FAAH: variants seen among roughly 807,000 people sequenced by gnomAD.
FAAH encodes the protein fatty-acid amide hydrolase 1.
FAAH carries 63 observed loss-of-function variants against 69.7 expected under a neutral mutation model. The ratio of observed to expected loss-of-function variants is 0.90; its 90% CI spans 0.74 to 1.12. The LOEUF (loss-of-function observed/expected upper bound fraction) is 1.12, where lower values mean the gene tolerates loss of function less well. Among genes scored for constraint, FAAH ranks in the 50% most tolerant of loss-of-function variants. The pLI, the probability that FAAH is intolerant of heterozygous loss-of-function variation, is 0.00. For synonymous variants in FAAH, 305 were observed against 324.2 expected (o/e 0.94, Z 0.64); for missense variants, 680 against 755.0 (o/e 0.90, Z 1.16).
intron 12 of FAAH, 65 bp from the exon 13 acceptor site, chr1:46,412,078 G>T: frequency 1.4e-6 from 2 of 1,393,690 alleles, no homozygotes; most frequent in South Asian, 2.5e-5. Flanking sequence ...CACAGTCCCT[G>T]AGTTAAAGAG....
Position 46,410,977 on chromosome 1 carries a change from C to T in FAAH, c.1316+123C>T. The T allele has an allele frequency of 8.3e-7, 1 of 1,203,856 alleles. No homozygotes were observed. Among genetic ancestry groups the T allele is most frequent in the Non-Finnish European group, 1.2e-6 (1 of 817,614 alleles). 74.6% of individuals were successfully genotyped at this position (1,203,856 alleles called of 1,614,324 possible). A position where few individuals can be genotyped will look rare whatever the true frequency, so the allele number is the denominator to read the frequency against. The stretch of plus-strand genomic sequence containing the variant: ...CCTCTGAGGCTGGAAGTGGCCCAGG[C>T]AGGGGGGCAACCTTTGTGGCCTTCA... On this transcript the variant is annotated intron_variant, in intron 11 of 14. Transcript: ENST00000243167. The surrounding 1 kb of genome is among the most constrained non-coding windows in gnomAD (Gnocchi z 4.9).
At chr1:46,402,064 G>A (rs201477656) in intron 1 of FAAH, 27 bp from the exon 2 acceptor site, 25 of 1,569,140 alleles carry the variant, frequency 1.6e-5, no homozygotes, top group Non-Finnish European at 2.1e-5. Context: ...GGCGAGTAGG[G>A]GACTGATCCG....
chr1:46,404,788 G>C lies in FAAH; in HGVS notation c.310-226G>C, dbSNP rs1186689817. ...AGTGTCCCGGTTGTGCCCTGGTCCT[G>C]GTTGAAGGCCAGAGACAGCCAGGAT... On this transcript the variant is annotated intron_variant, in intron 2 of 14. Coordinates refer to ENST00000243167, the MANE Select transcript of FAAH (RefSeq NM_001441.3). The surrounding 1 kb of genome is among the most constrained non-coding windows in gnomAD (Gnocchi z 4.5). Among the ~76,000 whole-genome samples, 5 of 152,212 alleles carry C rather than the reference G, an allele frequency of 3.3e-5. No individual in the cohort carries two copies. The highest frequency in any genetic ancestry group is 7.3e-5 in the Non-Finnish European group (5 of 68,032).
intron 2 of FAAH, among the ~76,000 whole-genome samples, chr1:46,403,255 C>T (rs529404878): frequency 7.2e-5 from 11 of 152,216 alleles, no homozygotes; most frequent in Admixed American, 6.5e-4. Flanking sequence ...CTCAGCCTCC[C>T]GAGTAGCTGG....
In FAAH at chr1:46,394,538, C is replaced by T; in HGVS notation, c.190C>T (p.Leu64Phe). The T allele has an allele frequency of 7.4e-7, 1 of 1,358,008 alleles. No individual in the cohort carries two copies. The highest frequency in any genetic ancestry group is 1.8e-5 in the South Asian group (1 of 54,900). 84.1% of individuals were successfully genotyped at this position (1,358,008 alleles called of 1,614,324 possible). A position where few individuals can be genotyped will look rare whatever the true frequency, so the allele number is the denominator to read the frequency against. The change falls in exon 1 of 15, where the codon CTC becomes TTC. Residue 64 changes from leucine (L) to phenylalanine (F), a missense_variant. Leu to Phe is a conservative substitution (Grantham distance 22). Coordinates refer to ENST00000243167, the MANE Select transcript of FAAH (RefSeq NM_001441.3). ...NMDRAAQRFR[L>F]QNPDLDSEAL... is the part of the protein sequence containing the mutation. ...GGACAGGGCGGCGCAGCGCTTCCGG[C>T]TCCAGGTGACTGCCGGAGCGTAGTG...
chr1:46,394,587 TCGCAGCGGCACTTTCAGCCGC>T, intron 1 of FAAH, 44 bp downstream of exon 1: 1 of 1,284,046 alleles, frequency 7.8e-7, no homozygotes, highest in Non-Finnish European at 9.8e-7. Context: ...CTGAGGGTAC[TCGCAGCGGCACTTTCAGCCGC>T]CGGACCCGCC....
At chr1:46,395,703 T>G (rs1177303042) in intron 1 of FAAH, among the ~76,000 whole-genome samples, 1 of 152,178 alleles carries the variant, frequency 6.6e-6, no homozygotes, top group Admixed American at 6.5e-5. Context: ...CAGAAAATTG[T>G]GTTCAGCAGA....
At position 46,411,537 on chromosome 1, in the gene FAAH, G is replaced by A; in HGVS notation, c.1317-75G>A. 3 of 1,510,718 alleles carry A rather than the reference G, an allele frequency of 2.0e-6. No individual in the cohort carries two copies. Among genetic ancestry groups the A allele is most frequent in the Non-Finnish European group, 2.7e-6 (3 of 1,091,834 alleles). The allele number at this position is 1,510,718 out of a possible 1,614,324, so 93.6% of individuals were successfully genotyped here. On this transcript the variant is annotated intron_variant, in intron 11 of 14. Transcript: ENST00000243167. The surrounding 1 kb of genome is among the most constrained non-coding windows in gnomAD (Gnocchi z 4.8). ...ACGGAGGGGTGAGATCTAGAGGGTTGGCAGTAGGGGTCTGATGTTGCTGAT... is the reference window on the plus strand; with the variant it reads ...ACGGAGGGGTGAGATCTAGAGGGTTAGCAGTAGGGGTCTGATGTTGCTGAT...
intron 1 of FAAH, among the ~76,000 whole-genome samples, chr1:46,398,268 G>A (rs1664635009): frequency 6.6e-6 from 1 of 152,114 alleles, no homozygotes; most frequent in South Asian, 2.1e-4. Context: ...CCCAGCCCAG[G>A]CTTGGGAACA....
Position 46,410,504 on chromosome 1 carries a change from G to T in FAAH, c.1275+7G>T. 6.2e-7 allele frequency: 1 copy of T among 1,612,910 alleles called. No individual in the cohort carries two copies. Among genetic ancestry groups the T allele is most frequent in the Non-Finnish European group, 8.5e-7 (1 of 1,178,958 alleles). On this transcript the variant is annotated splice_region_variant and intron_variant, in intron 10 of 14. Coordinates refer to ENST00000243167, the MANE Select transcript of FAAH (RefSeq NM_001441.3). This position sits in a 1 kb window ranked among gnomAD's most constrained non-coding sequence, Gnocchi z 4.9. ...CTTCCTGGTGAAGCCTCTGGTGAGG[G>T]CACAAGGAGTGGAGGGGCTAGGATG... is the stretch of plus-strand genomic sequence containing the variant.
In FAAH at chr1:46,408,575, G is replaced by A. The variant is rs45476901; in HGVS notation, c.1068G>A (p.Ala356=). The change falls in exon 8 of 15, where the codon GCG becomes GCA. Residue 356 remains alanine, a synonymous_variant. Transcript: ENST00000243167. ...AGACCAAACAGAGCCTTGAGGCTGCGGGGCACACGGTATGACTGCAGGGTC... is the reference window on the plus strand; with the variant it reads ...AGACCAAACAGAGCCTTGAGGCTGCAGGGCACACGGTATGACTGCAGGGTC... ...VLETKQSLEA[A]GHTLVPFLPS... The A allele has an allele frequency of 1.6e-3, 2,502 of 1,614,136 alleles. 10 individuals carry two copies. Among genetic ancestry groups the A allele is most frequent in the Middle Eastern group, 5.3e-3 (32 of 6,062 alleles).
At position 46,405,621 on chromosome 1, in the gene FAAH, C is replaced by T. The variant is rs769558902; in HGVS notation, c.612C>T (p.Thr204=). 8.1e-6 allele frequency: 13 copies of T among 1,613,398 alleles called. No individual in the cohort carries two copies. Among genetic ancestry groups the T allele is most frequent in the South Asian group, 2.2e-5 (2 of 91,086 alleles). Residue 204 remains threonine (T), a synonymous_variant, in exon 5 of 15, where the codon ACC becomes ACT. Coordinates refer to ENST00000243167, the MANE Select transcript of FAAH (RefSeq NM_001441.3). This position sits in a 1 kb window ranked among gnomAD's most constrained non-coding sequence, Gnocchi z 4.1. ...YDCSNPLFGQ[T]VNPWKSSKSP... The stretch of plus-strand genomic sequence containing the variant: ...GCAGTAACCCCCTCTTTGGCCAGAC[C>T]GTGAACCCATGGAAGTCCTCCAAAA...
At chr1:46,398,401 G>A (rs748699996) in intron 1 of FAAH, among the ~76,000 whole-genome samples, 114 of 152,224 alleles carry the variant, frequency 7.5e-4, no homozygotes, top group Non-Finnish European at 1.4e-3. Context: ...CTTTCTTCTG[G>A]GGCTCTTAGC....
intron 14 of FAAH, 24 bp downstream of exon 14, chr1:46,413,244 C>G (rs201978535): frequency 4.3e-6 from 7 of 1,613,986 alleles, no homozygotes; most frequent in Non-Finnish European, 5.9e-6. Context: ...TGCCCCTCAA[C>G]TGGACTCACT....
At position 46,410,498 on chromosome 1, in the gene FAAH, G is replaced by C. The variant is rs561936094; in HGVS notation, c.1275+1G>C. The C allele has an allele frequency of 5.0e-6, 8 of 1,613,758 alleles. No individual in the cohort carries two copies. In the East Asian group the frequency reaches 1.8e-4, roughly 36 times the overall value. On this transcript the variant is annotated splice_donor_variant, in intron 10 of 14. Coordinates refer to ENST00000243167, the MANE Select transcript of FAAH (RefSeq NM_001441.3). LOFTEE classifies it high-confidence loss of function. This position sits in a 1 kb window ranked among gnomAD's most constrained non-coding sequence, Gnocchi z 4.9. ...GCTGGCCTTCCTGGTGAAGCCTCTG[G>C]TGAGGGCACAAGGAGTGGAGGGGCT...
chr1:46,401,335 T>C (rs45564237), intron 1 of FAAH, among the ~76,000 whole-genome samples: 11,425 of 152,084 alleles, frequency 0.075, 1,007 homozygotes, highest in East Asian at 0.31. Flanking sequence ...TTTCTTCAGA[T>C]AGGCAGCCTT....
Position 46,405,667 on chromosome 1 carries a change from G to C in FAAH, c.658G>C (p.Gly220Arg). 6.2e-7 allele frequency: 1 copy of C among 1,613,578 alleles called. No homozygotes were observed. The highest frequency in any genetic ancestry group is 8.5e-7 in the Non-Finnish European group (1 of 1,180,040). ...CAAAAGCCCAGGGGGCTCCTCAGGG[G>C]GTGAAGGGGCCCTCATCGGGTCTGG... The part of the protein sequence containing the change: ...SSKSPGGSSG[G>R]EGALIGSGGS... The change falls in exon 5 of 15, where the codon GGT becomes CGT. Residue 220 changes from glycine to arginine, a missense_variant. Coordinates refer to ENST00000243167, the MANE Select transcript of FAAH (RefSeq NM_001441.3). This position sits in a 1 kb window ranked among gnomAD's most constrained non-coding sequence, Gnocchi z 4.1.
Position 46,394,324 on chromosome 1 carries a change from T to C in FAAH, c.-25T>C. On this transcript the variant is annotated 5_prime_UTR_variant, in exon 1 of 15. Coordinates refer to ENST00000243167, the MANE Select transcript of FAAH (RefSeq NM_001441.3). Reference sequence around the variant, plus strand: ...CGTGCGGCGGCTTCAACTGTCGCGGTAGGCAGCAGCAGGCTGAAGGGATCA... The same window carrying C: ...CGTGCGGCGGCTTCAACTGTCGCGGCAGGCAGCAGCAGGCTGAAGGGATCA... The C allele has an allele frequency of 1.3e-6, 2 of 1,541,968 alleles. No individual in the cohort carries two copies. The highest frequency in any genetic ancestry group is 1.7e-6 in the Non-Finnish European group (2 of 1,148,266).
chr1:46,409,608 T>G (rs1207197990), intron 9 of FAAH, among the ~76,000 whole-genome samples: 1 of 152,104 alleles, frequency 6.6e-6, no homozygotes, highest in African/African-American at 2.4e-5. Flanking sequence ...CTTTCTCTCC[T>G]GTAAAGTGGG....
Sources: gnomAD v4.1 joint callset for allele counts (sites outside exome capture counted in the v4.1 genomes callset) on GRCh38, gnomAD v4.1.1 for gene constraint, Gnocchi (gnomAD v3.1) non-coding constraint, MANE v1.5 for transcripts, NCBI Gene and HGNC (gene_info 2026-07-23, HGNC 2026-07-21) for gene names.